Variants in KIF13A observed in about 807,000 individuals in gnomAD.
KIF13A encodes kinesin-like protein KIF13A.
In KIF13A, 79 loss-of-function variants were observed where a neutral mutation model predicts 212.2. That is an observed-to-expected ratio of 0.37 (90% confidence interval 0.31 to 0.45). KIF13A has a LOEUF of 0.45. KIF13A is among the 20% of genes least tolerant of loss of function. KIF13A has a pLI of 1.00. For missense variants in KIF13A, 1,901 were observed against 2,209.0 expected (o/e 0.86, Z 2.79); for synonymous variants, 789 against 808.6 (o/e 0.98, Z 0.41).
intron 2 of KIF13A, among the ~76,000 whole-genome samples, chr6:17,935,757 CTAGT>C (rs1776403115): frequency 6.6e-6 from 1 of 152,150 alleles, no homozygotes; most frequent in African/African-American, 2.4e-5. Flanking sequence ...TAACAAAAAG[CTAGT>C]TACTTTCAAA....
At chr6:17,938,038 G>A (rs750278260) in intron 2 of KIF13A, among the ~76,000 whole-genome samples, 8 of 147,272 alleles carry the variant, frequency 5.4e-5, no homozygotes, top group Middle Eastern at 3.4e-3. Flanking sequence ...ATAAGCCACC[G>A]TGCCCCGCCC....
In KIF13A at chr6:17,961,299, A is replaced by T. The variant is rs777680868; in HGVS notation, c.146+25755T>A. 7.9e-5 allele frequency among the ~76,000 whole-genome samples: 12 copies of T among 152,208 alleles called. No individual in the cohort carries two copies. Among genetic ancestry groups the T allele is most frequent in the Non-Finnish European group, 1.8e-4 (12 of 68,046 alleles). ...GGGCTGGTAAGGGGACCTGGAAAGG[A>T]GCTGGGATTCCAAAGGTGGAAGGTA... On this transcript the variant is annotated intron_variant, in intron 2 of 38. Coordinates refer to ENST00000259711, the MANE Select transcript of KIF13A (RefSeq NM_022113.6). This position sits in a 1 kb window ranked among gnomAD's most constrained non-coding sequence, Gnocchi z 4.1.
At position 17,866,234 on chromosome 6, in the gene KIF13A, T is replaced by C. The variant is rs774167086; in HGVS notation, c.220+7143A>G. Among the ~76,000 whole-genome samples, 22 of 152,144 alleles carry C rather than the reference T, an allele frequency of 1.4e-4. 2 individuals carry two copies. Among genetic ancestry groups the C allele is most frequent in the Non-Finnish European group, 7.3e-5 (5 of 68,034 alleles). The stretch of plus-strand genomic sequence containing the variant: ...CTTCTGGATTGTGGGCTGCACAATA[T>C]TTATAGTATTTGAGGCGAGGTTAAA... On this transcript the variant is annotated intron_variant, in intron 4 of 38. Coordinates refer to ENST00000259711, the MANE Select transcript of KIF13A (RefSeq NM_022113.6).
At chr6:17,969,679 A>G (rs907767608) in intron 2 of KIF13A, among the ~76,000 whole-genome samples, 2 of 152,144 alleles carry the variant, frequency 1.3e-5, no homozygotes, top group Non-Finnish European at 2.9e-5. Flanking sequence ...AATTCAGAAT[A>G]GAGAAATATT....
At chr6:17,822,532 T>C (rs545495062) in intron 16 of KIF13A, among the ~76,000 whole-genome samples, 116 of 152,334 alleles carry the variant, frequency 7.6e-4, no homozygotes, top group African/African-American at 2.6e-3. Context: ...TTAATTTATA[T>C]ATAAGAAGGT....
intron 20 of KIF13A, among the ~76,000 whole-genome samples, chr6:17,803,659 C>T (rs1194045677): frequency 1.3e-5 from 2 of 152,112 alleles, no homozygotes; most frequent in African/African-American, 4.8e-5. Context: ...CAAAATAATC[C>T]TCCTGAGTTG....
chr6:17,937,469 C>T (rs1185799593), intron 2 of KIF13A, among the ~76,000 whole-genome samples: 1 of 152,230 alleles, frequency 6.6e-6, no homozygotes, highest in Non-Finnish European at 1.5e-5. Flanking sequence ...ACTTCCTCCA[C>T]AGTCCTGAAG....
chr6:17,821,599 G>C (rs1764457137), intron 16 of KIF13A, among the ~76,000 whole-genome samples: 1 of 151,216 alleles, frequency 6.6e-6, no homozygotes, highest in African/African-American at 2.4e-5. Context: ...TGGGGGTGGG[G>C]TGTTCATAAT....
Position 17,777,185 on chromosome 6 carries a change from A to ACT in KIF13A, c.4170+91_4170+92insAG. 1 of 979,538 alleles carries ACT rather than the reference A, an allele frequency of 1.0e-6. No individual in the cohort carries two copies. The highest frequency in any genetic ancestry group is 2.0e-5 in the Admixed American group (1 of 49,936). The allele number at this position is 979,538 out of a possible 1,614,324, so 60.7% of individuals were successfully genotyped here. A position where few individuals can be genotyped will look rare whatever the true frequency, so the allele number is the denominator to read the frequency against. ...TTGGGATGCCCACACCAGTTCCATA[A>ACT]GCTCTACTGCCACTGTGTGAATCCC... On this transcript the variant is annotated intron_variant, in intron 34 of 38. Coordinates refer to ENST00000259711, the MANE Select transcript of KIF13A (RefSeq NM_022113.6). The surrounding 1 kb of genome is among the most constrained non-coding windows in gnomAD (Gnocchi z 4.4).
chr6:17,906,730 C>A (rs899411231), intron 2 of KIF13A, among the ~76,000 whole-genome samples: 1 of 152,088 alleles, frequency 6.6e-6, no homozygotes. Context: ...TGAGATTACA[C>A]GCATTAGCTA....
chr6:17,942,213 G>GATTA (rs1777014525), intron 2 of KIF13A, among the ~76,000 whole-genome samples: 1 of 151,676 alleles, frequency 6.6e-6, no homozygotes, highest in African/African-American at 2.4e-5. Flanking sequence ...GAGGTAGGAG[G>GATTA]ATTACTTGAG....
chr6:17,959,165 G>T (rs1778609293), intron 2 of KIF13A, among the ~76,000 whole-genome samples: 1 of 152,016 alleles, frequency 6.6e-6, no homozygotes, highest in South Asian at 2.1e-4. Context: ...CACTGTTTAA[G>T]GAGCTACATA....
chr6:17,778,485 T>C (rs4712311), intron 33 of KIF13A, among the ~76,000 whole-genome samples: 139,819 of 152,240 alleles, frequency 0.92, 64,288 homozygotes, highest in East Asian at 0.99. Flanking sequence ...AATGACCTGT[T>C]GTCACCTCAA....
At position 17,836,999 on chromosome 6, in the gene KIF13A, T is replaced by A; in HGVS notation, c.1034A>T (p.Tyr345Phe). ...NYEETLSTLR[Y>F]ADRAKRIVNH... is the part of the protein sequence containing the mutation. ...CACAATCCTTTTGGCTCGGTCTGCATATCTTAATGTGGAGAGGGTCTCTTC... is the reference window on the plus strand; with the variant it reads ...CACAATCCTTTTGGCTCGGTCTGCAAATCTTAATGTGGAGAGGGTCTCTTC... Residue 345 changes from tyrosine (Y) to phenylalanine (F), a missense_variant, in exon 11 of 39, where the codon TAT (tyrosine) becomes TTT (phenylalanine). Transcript: ENST00000259711. 2 of 1,614,024 alleles carry A rather than the reference T, an allele frequency of 1.2e-6. No individual in the cohort carries two copies. The highest frequency in any genetic ancestry group is 1.1e-5 in the South Asian group (1 of 91,080).
intron 4 of KIF13A, among the ~76,000 whole-genome samples, chr6:17,862,805 G>A (rs915075790): frequency 2.0e-5 from 3 of 152,036 alleles, no homozygotes; most frequent in Non-Finnish European, 2.9e-5. Context: ...AAAATTAGCT[G>A]GGCATGGTGG....
chr6:17,927,895 C>T (rs1775626248), intron 2 of KIF13A, among the ~76,000 whole-genome samples: 1 of 152,106 alleles, frequency 6.6e-6, no homozygotes, highest in Admixed American at 6.5e-5. Context: ...AGAGCAGCAC[C>T]CCCTACACTC....
chr6:17,855,599 GA>G lies in KIF13A; in HGVS notation c.331del (p.Ser111ProfsTer2). The G allele has an allele frequency of 6.2e-7, 1 of 1,600,376 alleles. No individual in the cohort carries two copies. On this transcript the variant is annotated frameshift_variant, in exon 6 of 39. Coordinates refer to ENST00000259711, the MANE Select transcript of KIF13A (RefSeq NM_022113.6). LOFTEE classifies it high-confidence loss of function. The surrounding 1 kb of genome is among the most constrained non-coding windows in gnomAD (Gnocchi z 4.1). ...CAGCTGCTCAGCATGGCCCATCATG[GA>G]AAAGGATTTTCCCGAACCTGGAGAA... Reference protein sequence around the residue: ...YGQTGSGKSFSMMGHAEQLGL... With the variant: ...YGQTGSGKSFXMMGHAEQLGL...
At chr6:17,800,406 C>T (rs1024682272) in intron 20 of KIF13A, among the ~76,000 whole-genome samples, 1 of 151,160 alleles carries the variant, frequency 6.6e-6, no homozygotes, top group Non-Finnish European at 1.5e-5. Context: ...AGGTAGCTCT[C>T]ACATTTTACT....
intron 4 of KIF13A, among the ~76,000 whole-genome samples, chr6:17,868,974 A>AG (rs1417471837): frequency 8.3e-6 from 1 of 120,810 alleles, no homozygotes; most frequent in African/African-American, 3.1e-5. Context: ...TGGGCGACAG[A>AG]GGGAGACTCC....
Sources: gnomAD v4.1 joint callset for allele counts (sites outside exome capture counted in the v4.1 genomes callset) on GRCh38, gnomAD v4.1.1 for gene constraint, Gnocchi (gnomAD v3.1) non-coding constraint, MANE v1.5 for transcripts, NCBI Gene and HGNC (gene_info 2026-07-23, HGNC 2026-07-21) for gene names.